Variants in GRM1 observed in about 807,000 individuals in gnomAD.
GRM1 encodes metabotropic glutamate receptor 1.
A neutral mutation model predicts 90.9 loss-of-function variants in GRM1; 33 were observed. The observed-to-expected ratio is 0.36, with a 90% CI of 0.28 to 0.49. GRM1 has a LOEUF of 0.49. Among genes scored for constraint, GRM1 ranks in the 20% least tolerant of loss-of-function variants. GRM1 has a pLI of 0.99. For synonymous variants in GRM1, 700 were observed against 613.2 expected, an observed-to-expected ratio of 1.14 and a Z score of -2.09; for missense variants, 1,190 against 1,534.3, an observed-to-expected ratio of 0.78 and a Z score of 3.75.
intron 1 of GRM1, among the ~76,000 whole-genome samples, chr6:146,044,784 T>C (rs1791261498): frequency 6.6e-6 from 1 of 151,980 alleles, no homozygotes; most frequent in Non-Finnish European, 1.5e-5. Flanking sequence ...AAACTGCCTC[T>C]TAAAAATGAA....
At chr6:146,217,526 A>G (rs529625519) in intron 2 of GRM1, among the ~76,000 whole-genome samples, 9 of 152,336 alleles carry the variant, frequency 5.9e-5, no homozygotes, top group African/African-American at 1.9e-4. Context: ...CTCTAATATT[A>G]TTATGCTCTC....
intron 3 of GRM1, among the ~76,000 whole-genome samples, chr6:146,319,308 G>A (rs1170958161): frequency 6.6e-6 from 1 of 152,112 alleles, no homozygotes; most frequent in Non-Finnish European, 1.5e-5. Flanking sequence ...TGAGGCCTAT[G>A]TTCTGTTCCA....
At chr6:146,322,216 A>G (rs897317744) in intron 3 of GRM1, among the ~76,000 whole-genome samples, 2 of 152,144 alleles carry the variant, frequency 1.3e-5, no homozygotes, top group Non-Finnish European at 2.9e-5. Context: ...TTGCCTGGGT[A>G]TTACCAGCAG....
intron 1 of GRM1, among the ~76,000 whole-genome samples, chr6:146,153,638 G>A (rs113228764): frequency 2.3e-4 from 35 of 152,292 alleles, no homozygotes; most frequent in African/African-American, 8.4e-4. Context: ...CCTGTCATGG[G>A]AAGCGGTGCA....
chr6:146,062,621 C>T (rs1775714653), intron 1 of GRM1, among the ~76,000 whole-genome samples: 1 of 151,660 alleles, frequency 6.6e-6, no homozygotes, highest in Non-Finnish European at 1.5e-5. Context: ...GTGCATATAT[C>T]TTTTAAATTT....
chr6:146,072,276 C>T (rs1320677394), intron 1 of GRM1, among the ~76,000 whole-genome samples: 2 of 152,096 alleles, frequency 1.3e-5, no homozygotes, highest in Non-Finnish European at 2.9e-5. Context: ...CAGATACTTC[C>T]ATTAGGGCAT....
At chr6:146,374,292 C>T (rs1019466116) in intron 5 of GRM1, among the ~76,000 whole-genome samples, 4 of 152,026 alleles carry the variant, frequency 2.6e-5, no homozygotes, top group African/African-American at 9.7e-5. Context: ...AGGATTTTTG[C>T]ATCAATATTC....
chr6:146,039,932 C>A (rs1791034321), intron 1 of GRM1, among the ~76,000 whole-genome samples: 1 of 151,886 alleles, frequency 6.6e-6, no homozygotes, highest in Non-Finnish European at 1.5e-5. Flanking sequence ...TTTGTGGTAT[C>A]CATTGGACAA....
At chr6:146,156,160 C>T (rs1385088321) in intron 1 of GRM1, among the ~76,000 whole-genome samples, 1 of 152,174 alleles carries the variant, frequency 6.6e-6, no homozygotes, top group Non-Finnish European at 1.5e-5. Context: ...AATCCCAGCA[C>T]TTTGGGAGGC....
chr6:146,153,511 G>T (rs1777413790), intron 1 of GRM1, among the ~76,000 whole-genome samples: 1 of 152,132 alleles, frequency 6.6e-6, no homozygotes, highest in African/African-American at 2.4e-5. Context: ...GAGAGAAATG[G>T]GGAGTTTAAA....
At chr6:146,379,872 C>G (rs1000023533) in intron 5 of GRM1, among the ~76,000 whole-genome samples, 5 of 152,054 alleles carry the variant, frequency 3.3e-5, no homozygotes, top group African/African-American at 1.2e-4. Flanking sequence ...GGACAAGTCT[C>G]TGGGTTACCA....
chr6:146,027,846 C>T (rs1366592285), upstream of GRM1: 2 of 152,518 alleles, frequency 1.3e-5, no homozygotes, highest in African/African-American at 2.4e-5. Flanking sequence ...GACACTTCCT[C>T]CGGTGAAACC....
intron 1 of GRM1, among the ~76,000 whole-genome samples, chr6:146,080,406 G>C (rs1300646076): frequency 6.6e-6 from 1 of 152,108 alleles, no homozygotes; most frequent in Non-Finnish European, 1.5e-5. Flanking sequence ...CTTACTTTTT[G>C]TGTTTCTAAT....
chr6:146,433,547 TG>T lies in GRM1; in HGVS notation c.2661-324del, dbSNP rs1778487294. 8.6e-5 allele frequency among the ~76,000 whole-genome samples: 13 copies of T among 151,896 alleles called. No individual in the cohort carries two copies. In the South Asian group the frequency reaches 2.7e-3, roughly 32 times the overall value. Reference sequence around the variant, plus strand: ...AAAAGTGTGTGTGTGTGTGTGTGTGTGTGTGTGTGTGTCAGAGAGAGACAGA... The same window carrying T: ...AAAAGTGTGTGTGTGTGTGTGTGTGTTGTGTGTGTGTCAGAGAGAGACAGA... On this transcript the variant is annotated intron_variant, in intron 7 of 7. Coordinates refer to ENST00000282753, the MANE Select transcript of GRM1 (RefSeq NM_001278064.2).
intron 5 of GRM1, among the ~76,000 whole-genome samples, chr6:146,376,724 T>C (rs927863448): frequency 6.6e-6 from 1 of 152,124 alleles, no homozygotes; most frequent in African/African-American, 2.4e-5. Flanking sequence ...CTTTACCTAA[T>C]ACTATGATTA....
chr6:146,114,219 G>C (rs1014213884), intron 1 of GRM1, among the ~76,000 whole-genome samples: 1 of 152,112 alleles, frequency 6.6e-6, no homozygotes, highest in African/African-American at 2.4e-5. Flanking sequence ...TTTCAGAATA[G>C]AATACTAATG....
chr6:146,304,499 C>T, intron 2 of GRM1, 112 bp from the exon 3 acceptor site: 1 of 816,930 alleles, frequency 1.2e-6, no homozygotes. Flanking sequence ...GTAATGCTGG[C>T]TTAAAATAGT....
chr6:146,234,967 C>T (rs552066675), intron 2 of GRM1, among the ~76,000 whole-genome samples: 1 of 152,248 alleles, frequency 6.6e-6, no homozygotes, highest in South Asian at 2.1e-4. Context: ...TAGTCTTGAG[C>T]TCAGGCAATC....
At chr6:146,319,452 C>A (rs1474962231) in intron 3 of GRM1, among the ~76,000 whole-genome samples, 1 of 152,004 alleles carries the variant, frequency 6.6e-6, no homozygotes, top group African/African-American at 2.4e-5. Flanking sequence ...GCTATATGGG[C>A]CCTTTGTTGG....
Sources: allele counts gnomAD v4.1 joint callset (sites outside exome capture counted in the v4.1 genomes callset), GRCh38; gene constraint gnomAD v4.1.1; transcripts MANE v1.5; gene names NCBI Gene and HGNC (gene_info 2026-07-23, HGNC 2026-07-21).